The following GALNT13 variants were observed in gnomAD, a reference collection of about 807,000 sequenced individuals.
GALNT13 encodes polypeptide N-acetylgalactosaminyltransferase 13, also known as UDP-GalNAc:polypeptide N-acetylgalactosaminyltransferase 13.
In GALNT13, 28 loss-of-function variants were observed where a neutral mutation model predicts 64.2. The observed-to-expected ratio is 0.44, with a 90% CI of 0.32 to 0.60. The LOEUF (loss-of-function observed/expected upper bound fraction) is 0.60. Ranked by LOEUF, GALNT13 falls within the 20% of genes least tolerant of loss-of-function variation. The pLI is 0.05. For synonymous variants in GALNT13, 214 were observed against 224.6 expected (o/e 0.95, Z 0.42); for missense variants, 577 against 669.8 (o/e 0.86, Z 1.53).
chr2:154,029,628 C>T (rs192617740), intron 3 of GALNT13, among the ~76,000 whole-genome samples: 22 of 152,074 alleles, frequency 1.4e-4, no homozygotes, highest in Admixed American at 9.8e-4. Flanking sequence ...TAATGTCCTA[C>T]GCAAGATATT....
chr2:154,113,030 G>A (rs948625725), intron 3 of GALNT13, among the ~76,000 whole-genome samples: 2 of 152,076 alleles, frequency 1.3e-5, no homozygotes, highest in African/African-American at 4.8e-5. Flanking sequence ...TGGCTAGATG[G>A]GTCAGAAAGC....
At chr2:153,626,612 T>TA in the GALNT13 span, among the ~76,000 whole-genome samples, 1 of 152,102 alleles carries the variant, frequency 6.6e-6, no homozygotes, top group South Asian at 2.1e-4. Flanking sequence ...GAACTGGACT[T>TA]ACAATAAAAA....
chr2:153,853,952 T>C, the GALNT13 span, among the ~76,000 whole-genome samples: 2 of 151,724 alleles, frequency 1.3e-5, no homozygotes, highest in Admixed American at 1.3e-4. Context: ...AACATATCCA[T>C]CCATCACCCC....
chr2:153,665,198 C>G, the GALNT13 span, among the ~76,000 whole-genome samples: 1 of 152,126 alleles, frequency 6.6e-6, no homozygotes, highest in Non-Finnish European at 1.5e-5. Context: ...GAGAATATCT[C>G]CTGAAGTGCT....
At chr2:153,299,511 G>A in the GALNT13 span, among the ~76,000 whole-genome samples, 1 of 152,244 alleles carries the variant, frequency 6.6e-6, no homozygotes, top group African/African-American at 2.4e-5. Flanking sequence ...AATCTTCACA[G>A]CCAAGGCTAT....
At chr2:153,835,379 C>A in the GALNT13 span, among the ~76,000 whole-genome samples, 2 of 151,846 alleles carry the variant, frequency 1.3e-5, no homozygotes, top group Non-Finnish European at 2.9e-5. Context: ...TATTAATTCA[C>A]TTAAGATTAT....
At chr2:154,020,386 A>G (rs372221269) in intron 3 of GALNT13, among the ~76,000 whole-genome samples, 40 of 152,158 alleles carry the variant, frequency 2.6e-4, no homozygotes, top group African/African-American at 6.3e-4. Context: ...TTTAATGATC[A>G]CCATTCTAAC....
chr2:153,103,187 G>A, the GALNT13 span, among the ~76,000 whole-genome samples: 4 of 152,100 alleles, frequency 2.6e-5, no homozygotes, highest in African/African-American at 9.7e-5. Context: ...TTTTACCATG[G>A]CCTGAAACAC....
At chr2:154,241,365 C>T (rs1689481580) in intron 4 of GALNT13, among the ~76,000 whole-genome samples, 1 of 151,932 alleles carries the variant, frequency 6.6e-6, no homozygotes, top group Non-Finnish European at 1.5e-5. Context: ...AAAGGGACCA[C>T]GCTCTTACCT....
chr2:153,213,795 G>A, the GALNT13 span, among the ~76,000 whole-genome samples: 1 of 152,164 alleles, frequency 6.6e-6, no homozygotes, highest in East Asian at 1.9e-4. Context: ...ATGACAGGAA[G>A]TAAATATATG....
At chr2:153,240,804 G>A in the GALNT13 span, among the ~76,000 whole-genome samples, 1 of 152,096 alleles carries the variant, frequency 6.6e-6, no homozygotes, top group East Asian at 1.9e-4. Context: ...GAGTATCCTA[G>A]GTGCTGCCAA....
At chr2:153,255,499 T>C in the GALNT13 span, among the ~76,000 whole-genome samples, 1 of 151,316 alleles carries the variant, frequency 6.6e-6, no homozygotes, top group East Asian at 1.9e-4. Context: ...TGTGTGAATT[T>C]GATCCTGTCA....
the GALNT13 span, chr2:153,159,470 A>AGT: frequency 1.3e-5 from 2 of 152,312 alleles, no homozygotes; most frequent in South Asian, 4.1e-4. Context: ...CATTGCTATG[A>AGT]CTTTGGAGAA....
chr2:153,114,645 A>G, the GALNT13 span, among the ~76,000 whole-genome samples: 2 of 152,082 alleles, frequency 1.3e-5, no homozygotes, highest in African/African-American at 4.8e-5. Flanking sequence ...TAACAGTTGA[A>G]ATGACAGGCT....
the GALNT13 span, among the ~76,000 whole-genome samples, chr2:153,194,677 T>C: frequency 6.6e-6 from 1 of 152,258 alleles, no homozygotes; most frequent in Non-Finnish European, 1.5e-5. Flanking sequence ...CTTTCATTGA[T>C]ATTAGCACCT....
the GALNT13 span, among the ~76,000 whole-genome samples, chr2:153,547,588 T>C: frequency 1.3e-5 from 2 of 152,210 alleles, no homozygotes; most frequent in Non-Finnish European, 2.9e-5. Context: ...CTGATCTAGA[T>C]AGTGAGGATA....
the GALNT13 span, among the ~76,000 whole-genome samples, chr2:153,304,282 A>G: frequency 2.0e-5 from 3 of 151,910 alleles, no homozygotes; most frequent in Non-Finnish European, 4.4e-5. Flanking sequence ...CAATTTGTAG[A>G]AATTAGTAAG....
At chr2:153,412,424 G>A in the GALNT13 span, among the ~76,000 whole-genome samples, 2 of 152,174 alleles carry the variant, frequency 1.3e-5, no homozygotes, top group Non-Finnish European at 2.9e-5. Flanking sequence ...GGCATCATAA[G>A]TGAGAATTTC....
the GALNT13 span, among the ~76,000 whole-genome samples, chr2:153,191,396 A>G: frequency 6.6e-6 from 1 of 152,238 alleles, no homozygotes; most frequent in South Asian, 2.1e-4. Flanking sequence ...TTGAGCTATC[A>G]TAATATTCCT....
Sources: gnomAD v4.1 joint callset for allele counts (sites outside exome capture counted in the v4.1 genomes callset) on GRCh38, gnomAD v4.1.1 for gene constraint, MANE v1.5 for transcripts, NCBI Gene and HGNC (gene_info 2026-07-23, HGNC 2026-07-21) for gene names.